Variants in APOM observed in about 807,000 individuals in gnomAD.
APOM encodes the protein NG20-like protein.
A neutral mutation model predicts 23.5 loss-of-function variants in APOM; 24 were observed. The ratio of observed to expected loss-of-function variants is 1.02; its 90% CI spans 0.74 to 1.44. The LOEUF (loss-of-function observed/expected upper bound fraction) is 1.44, where lower values mean the gene tolerates loss of function less well. APOM is among the 40% of genes most tolerant of loss of function. The pLI, the probability that APOM is intolerant of heterozygous loss-of-function variation, is 0.00. For missense variants in APOM, 200 were observed against 233.2 expected (o/e 0.86, Z 0.93); for synonymous variants, 82 against 84.1 (o/e 0.97, Z 0.14).
At chr6:31,655,640 T>C (rs1386894219), upstream of APOM, 1 of 256,828 alleles carries the variant, frequency 3.9e-6, no homozygotes, top group Admixed American at 4.9e-5. Context: ...TTCCCTTCAG[T>C]GCTGCACAGT....
chr6:31,652,483 T>C (rs1396331703), upstream of APOM: 1 of 152,278 alleles, frequency 6.6e-6, no homozygotes, highest in African/African-American at 2.4e-5. Context: ...AAGCGATACT[T>C]CCGGCTCCCC....
At chr6:31,656,369 C>A in intron 1 of APOM, 103 bp from the exon 2 acceptor site, 1 of 1,262,564 alleles carries the variant, frequency 7.9e-7, no homozygotes, top group Non-Finnish European at 1.1e-6. Flanking sequence ...AGGAAGGCAG[C>A]CAACACCTCT....
Position 31,657,300 on chromosome 6 carries a change from T to C in APOM, c.343+2T>C. The C allele has an allele frequency of 6.2e-7, 1 of 1,613,074 alleles. No individual in the cohort carries two copies. Among genetic ancestry groups the C allele is most frequent in the South Asian group, 1.1e-5 (1 of 91,086 alleles). ...GGAGCACAGATCTCAGAACTGAAGG[T>C]TGGTTCTTCCCAGCCCTCACCCTCC... On this transcript the variant is annotated splice_donor_variant, in intron 3 of 5. Coordinates refer to ENST00000375916, the MANE Select transcript of APOM (RefSeq NM_019101.3). LOFTEE classifies it high-confidence loss of function.
At chr6:31,653,419 A>C (rs1173833173), upstream of APOM, among the ~76,000 whole-genome samples, 1 of 152,098 alleles carries the variant, frequency 6.6e-6, no homozygotes, top group Non-Finnish European at 1.5e-5. Flanking sequence ...GGGGTGTCCA[A>C]CCTTTCTGGG....
chr6:31,657,787 GAA>G, intron 5 of APOM, 64 bp downstream of exon 5: 1 of 1,425,018 alleles, frequency 7.0e-7, no homozygotes, highest in Non-Finnish European at 9.9e-7. Flanking sequence ...GTTACAGGGT[GAA>G]AGAGGCTCGT....
chr6:31,655,611 A>C, upstream of APOM: 1 of 170,140 alleles, frequency 5.9e-6, no homozygotes, highest in Non-Finnish European at 1.2e-5. Context: ...TGAATGAATG[A>C]GAGGCCCAGT....
At chr6:31,656,369 C>T in intron 1 of APOM, 103 bp from the exon 2 acceptor site, 1 of 1,262,568 alleles carries the variant, frequency 7.9e-7, no homozygotes, top group Non-Finnish European at 1.1e-6. Context: ...AGGAAGGCAG[C>T]CAACACCTCT....
In APOM at chr6:31,657,297, A is replaced by G. The variant is rs1202409896; in HGVS notation, c.342A>G (p.Glu114=). 1.2e-6 allele frequency: 2 copies of G among 1,612,934 alleles called. No individual in the cohort carries two copies. Among genetic ancestry groups the G allele is most frequent in the African/African-American group, 2.7e-5 (2 of 74,904 alleles). The change falls in exon 3 of 6, where the codon GAA becomes GAG. Residue 114 remains glutamate, a splice_region_variant and synonymous_variant. Transcript: ENST00000375916. ...AAGGGAGCACAGATCTCAGAACTGAAGGTTGGTTCTTCCCAGCCCTCACCC... is the reference window on the plus strand; with the variant it reads ...AAGGGAGCACAGATCTCAGAACTGAGGGTTGGTTCTTCCCAGCCCTCACCC... The part of the protein sequence containing the change: ...LTEGSTDLRT[E]GRPDMKTELF...
At chr6:31,653,705 A>C (rs145424248), upstream of APOM, among the ~76,000 whole-genome samples, 5 of 152,194 alleles carry the variant, frequency 3.3e-5, no homozygotes, top group African/African-American at 1.2e-4. Context: ...TTTTTGAGAG[A>C]GGGTCTCGCT....
chr6:31,652,954 C>G (rs1798904315), upstream of APOM, among the ~76,000 whole-genome samples: 1 of 152,166 alleles, frequency 6.6e-6, no homozygotes, highest in Non-Finnish European at 1.5e-5. Flanking sequence ...CTTCTCCACC[C>G]TATTGCCCTC....
chr6:31,656,384 CT>C, intron 1 of APOM, 87 bp from the exon 2 acceptor site: 5 of 1,420,278 alleles, frequency 3.5e-6, no homozygotes, highest in Non-Finnish European at 4.8e-6. Context: ...ACCTCTACCC[CT>C]AAATCTTGCT....
upstream of APOM, among the ~76,000 whole-genome samples, chr6:31,654,524 A>T (rs1799798131): frequency 6.6e-6 from 1 of 152,058 alleles, no homozygotes; most frequent in African/African-American, 2.4e-5. Flanking sequence ...CTCCGTGTCT[A>T]CAAAAAATTA....
upstream of APOM, among the ~76,000 whole-genome samples, chr6:31,653,053 G>T (rs1798982477): frequency 6.6e-6 from 1 of 152,142 alleles, no homozygotes; most frequent in Admixed American, 6.6e-5. Flanking sequence ...CGGTTGCTTG[G>T]TTGGGCTAGA....
intron 3 of APOM, 26 bp downstream of exon 3, chr6:31,657,324 CCCTT>C (rs756714758): frequency 6.8e-6 from 11 of 1,613,044 alleles, no homozygotes; most frequent in East Asian, 4.5e-5. Context: ...CCCTCACCCT[CCCTT>C]GAGTTTGGTT....
intron 2 of APOM, 132 bp downstream of exon 2, chr6:31,656,758 A>G: frequency 8.7e-7 from 1 of 1,155,738 alleles, no homozygotes; most frequent in Non-Finnish European, 1.2e-6. Context: ...TGGCTGTATT[A>G]ATTGCCCTCT....
chr6:31,656,766 T>G, intron 2 of APOM, 140 bp downstream of exon 2: 1 of 1,097,044 alleles, frequency 9.1e-7, no homozygotes, highest in East Asian at 2.6e-5. Flanking sequence ...TTAATTGCCC[T>G]CTGGAGAAAG....
intron 2 of APOM, among the ~76,000 whole-genome samples, chr6:31,656,912 T>G (rs1015220370): frequency 6.6e-6 from 1 of 152,092 alleles, no homozygotes; most frequent in Non-Finnish European, 1.5e-5. Context: ...TTTGGGAGGC[T>G]GAGGCGGACA....
chr6:31,655,921 G>C lies in APOM; in HGVS notation c.-46G>C. The C allele has an allele frequency of 7.5e-7, 1 of 1,336,616 alleles. No individual in the cohort carries two copies. The highest frequency in any genetic ancestry group is 1.1e-6 in the Non-Finnish European group (1 of 950,362). 82.8% of individuals were successfully genotyped at this position (1,336,616 alleles called of 1,614,324 possible). A position where few individuals can be genotyped will look rare whatever the true frequency, so the allele number is the denominator to read the frequency against. ...AGTGGACTGAGCAGCCAGTAGGGGA[G>C]AGAGCAGTTAAGGCACACAGAGCAC... is the stretch of plus-strand genomic sequence containing the variant. On this transcript the variant is annotated 5_prime_UTR_variant, in exon 1 of 6. Coordinates refer to ENST00000375916, the MANE Select transcript of APOM (RefSeq NM_019101.3).
upstream of APOM, chr6:31,655,883 GAGC>G: frequency 1.1e-6 from 1 of 888,238 alleles, no homozygotes; most frequent in Non-Finnish European, 1.8e-6. Context: ...GAACGCAAGG[GAGC>G]TGAAAGCAGA....
Sources: allele counts gnomAD v4.1 joint callset (sites outside exome capture counted in the v4.1 genomes callset), GRCh38; gene constraint gnomAD v4.1.1; transcripts MANE v1.5; gene names NCBI Gene and HGNC (gene_info 2026-07-23, HGNC 2026-07-21).